The following IFRD2 variants were observed in gnomAD, a reference collection of about 807,000 sequenced individuals.
IFRD2 encodes the protein interferon-related developmental regulator 2.
IFRD2 carries 35 observed loss-of-function variants against 49.2 expected under a neutral mutation model. The ratio of observed to expected loss-of-function variants is 0.71; its 90% CI spans 0.54 to 0.94. The LOEUF (loss-of-function observed/expected upper bound fraction) is 0.94. Ranked by LOEUF, IFRD2 falls within the 40% of genes least tolerant of loss-of-function variation. IFRD2 has a pLI of 0.00. For synonymous variants in IFRD2, 275 were observed against 239.7 expected (o/e 1.15, Z -1.36); for missense variants, 561 against 591.6 (o/e 0.95, Z 0.54).
intron 5 of IFRD2, 52 bp downstream of exon 5, chr3:50,289,877 C>T (rs1202489384): frequency 6.2e-7 from 1 of 1,607,468 alleles, no homozygotes; most frequent in Non-Finnish European, 8.5e-7. Context: ...ACCCACCACT[C>T]TGCTGAGGGA....
At chr3:50,291,940 G>C (rs1332413527) in intron 1 of IFRD2, 5 of 469,878 alleles carry the variant, frequency 1.1e-5, no homozygotes, top group Non-Finnish European at 1.9e-5. Context: ...TGTCCGGTGA[G>C]TTTGTCCACC....
rs369627326 is a variant in IFRD2 at position 50,288,631 on chromosome 3, G to T, written c.1104C>A (p.Tyr368Ter). 2.7e-5 allele frequency: 43 copies of T among 1,613,774 alleles called. No individual in the cohort carries two copies. Among genetic ancestry groups the T allele is most frequent in the Non-Finnish European group, 3.2e-5 (38 of 1,179,892 alleles). ...YMDSWARHRI[Y>*]AAFKEVLGSG... ...AACCCAGCACTTCCTTGAAGGCAGC[G>T]TAGATCCGGTGCCGAGCCCAGCTGT... The change falls in exon 10 of 12, where the codon TAC (tyrosine) becomes TAA (stop). Residue 368 changes from tyrosine (Y) to a stop codon, truncating the protein, a stop_gained. Coordinates refer to ENST00000417626, the MANE Select transcript of IFRD2 (RefSeq NM_006764.5). LOFTEE classifies it high-confidence loss of function.
intron 1 of IFRD2, among the ~76,000 whole-genome samples, chr3:50,291,011 T>C (rs868949474): frequency 3.6e-4 from 52 of 143,108 alleles, no homozygotes; most frequent in East Asian, 1.1e-3. Context: ...CGCCACCTTT[T>C]TTTTTTTTTT....
At chr3:50,288,745 G>A in intron 9 of IFRD2, 34 bp from the exon 10 acceptor site, 2 of 1,612,228 alleles carry the variant, frequency 1.2e-6, no homozygotes, top group Non-Finnish European at 1.7e-6. Context: ...AACTGGGCTT[G>A]GCTGCTATGC....
chr3:50,289,460 G>A lies in IFRD2; in HGVS notation c.766C>T (p.His256Tyr). The A allele has an allele frequency of 6.3e-7, 1 of 1,579,810 alleles. No homozygotes were observed. ...LTICPSTQIS[H>Y]ILDRQLPRLP... ...AGCCACCCCTACCTGTCAAGGATGTGGCTGATTTGGGTGCTAGGGCAGATG... is the reference window on the plus strand; with the variant it reads ...AGCCACCCCTACCTGTCAAGGATGTAGCTGATTTGGGTGCTAGGGCAGATG... Residue 256 changes from histidine to tyrosine, a missense_variant, in exon 7 of 12, where the codon CAC becomes TAC. Coordinates refer to ENST00000417626, the MANE Select transcript of IFRD2 (RefSeq NM_006764.5).
Position 50,289,369 on chromosome 3 carries a change from G to T in IFRD2, c.780-9C>A. The stretch of plus-strand genomic sequence containing the variant: ...GCAGCCGGGGCAGCTGCCTAGGGAA[G>T]GGGCAGGCTGAGCTATATGTGTGGC... On this transcript the variant is annotated splice_polypyrimidine_tract_variant and intron_variant, in intron 7 of 11. Transcript: ENST00000417626. The T allele has an allele frequency of 6.3e-7, 1 of 1,589,416 alleles. No homozygotes were observed. The highest frequency in any genetic ancestry group is 8.6e-7 in the Non-Finnish European group (1 of 1,167,988).
In IFRD2 at chr3:50,288,152, C is replaced by A. The variant is rs781815893; in HGVS notation, c.*39G>T. 208 of 1,532,252 alleles carry A rather than the reference C, an allele frequency of 1.4e-4. No individual in the cohort carries two copies. The highest frequency in any genetic ancestry group is 2.0e-4 in the South Asian group (18 of 88,440). The allele number at this position is 1,532,252 out of a possible 1,614,324, so 94.9% of individuals were successfully genotyped here. On this transcript the variant is annotated 3_prime_UTR_variant, in exon 12 of 12. Coordinates refer to ENST00000417626, the MANE Select transcript of IFRD2 (RefSeq NM_006764.5). ...CACTGTCTTCTGTTAAAAATACGGA[C>A]CAAGGGCATAGAAAGTCTCCTCTTC...
Position 50,290,242 on chromosome 3 carries a change from G to C in IFRD2, c.316C>G (p.Arg106Gly). 6.2e-7 allele frequency: 1 copy of C among 1,613,086 alleles called. No individual in the cohort carries two copies. The highest frequency in any genetic ancestry group is 8.5e-7 in the Non-Finnish European group (1 of 1,179,592). ...TCCAGCAAGAAGTCGGGGAGTAGGC[G>C]GGACGCTAGGGCCAGGCGCAGGCTC... is the stretch of plus-strand genomic sequence containing the variant. ...LESLRLALAS[R>G]LLPDFLLERR... Residue 106 changes from arginine (R) to glycine (G), a missense_variant, in exon 4 of 12, where the codon CGC (arginine) becomes GGC (glycine). Coordinates refer to ENST00000417626, the MANE Select transcript of IFRD2 (RefSeq NM_006764.5).
rs1701587471 is a variant in IFRD2, at chr3:50,287,894, G to T, written c.*297C>A. ...GAGTGGGTCATCCTGGGGGAGCAAG[G>T]CCTGAGAAAGGAAAGGAAGGGAAAG... On this transcript the variant is annotated 3_prime_UTR_variant, in exon 12 of 12. Transcript: ENST00000417626. The T allele has an allele frequency of 2.5e-6, 1 of 399,732 alleles. No homozygotes were observed. Among genetic ancestry groups the T allele is most frequent in the East Asian group, 4.7e-5 (1 of 21,416 alleles). The allele number at this position is 399,732 out of a possible 1,614,324, so 24.8% of individuals were successfully genotyped here.
Position 50,289,436 on chromosome 3 carries a change from G to A in IFRD2, c.779+11C>T. On this transcript the variant is annotated intron_variant, in intron 7 of 11. Transcript: ENST00000417626. ...GATCCCCTCCCCCTCCCAGTGGACA[G>A]CCACCCCTACCTGTCAAGGATGTGG... 1.9e-6 allele frequency: 3 copies of A among 1,570,490 alleles called. No individual in the cohort carries two copies. Among genetic ancestry groups the A allele is most frequent in the Non-Finnish European group, 2.6e-6 (3 of 1,157,926 alleles).
At position 50,288,891 on chromosome 3, in the gene IFRD2, C is replaced by T. The variant is rs1199873966; in HGVS notation, c.932G>A (p.Arg311His). ...CTTGTTACTGTCAGTGGCCAGAGTG[C>T]GCAGGACACTGCAGAGGGCCTCCAT... ...EDMEALCSVL[R>H]TLATDSNKYR... is the part of the protein sequence containing the mutation. Residue 311 changes from arginine (R) to histidine (H), a missense_variant, in exon 9 of 12, where the codon CGC becomes CAC. Coordinates refer to ENST00000417626, the MANE Select transcript of IFRD2 (RefSeq NM_006764.5). 30 of 1,613,328 alleles carry T rather than the reference C, an allele frequency of 1.9e-5. No homozygotes were observed. The highest frequency in any genetic ancestry group is 2.5e-5 in the Non-Finnish European group (29 of 1,179,592).
Position 50,289,320 on chromosome 3 carries a change from C to T in IFRD2, c.820G>A (p.Val274Met), listed in dbSNP as rs1553709208. ...TCACCGGCAGCGATCCGCAGGTTCA[C>T]ACTTTCACTGGACAAGAGCTGGGGC... ...RLPQLLSSES[V>M]NLRIAAGETI... The change falls in exon 8 of 12, where the codon GTG becomes ATG. Residue 274 changes from valine to methionine, a missense_variant. Coordinates refer to ENST00000417626, the MANE Select transcript of IFRD2 (RefSeq NM_006764.5). The T allele has an allele frequency of 6.2e-7, 1 of 1,601,492 alleles. No homozygotes were observed. Among genetic ancestry groups the T allele is most frequent in the Admixed American group, 1.7e-5 (1 of 58,150 alleles).
At chr3:50,292,141 G>A (rs1701688959) in intron 1 of IFRD2, 76 bp downstream of exon 1, 1 of 1,394,798 alleles carries the variant, frequency 7.2e-7, no homozygotes, top group Non-Finnish European at 9.4e-7. Flanking sequence ...CAGGGCCCTC[G>A]AGAACAACCA....
chr3:50,289,071 C>T (rs1184155997), intron 8 of IFRD2, 134 bp from the exon 9 acceptor site: 2 of 1,327,138 alleles, frequency 1.5e-6, no homozygotes, highest in Non-Finnish European at 2.1e-6. Flanking sequence ...CCTCCTTGGC[C>T]TCTGTCAGGC....
Position 50,288,831 on chromosome 3 carries a change from G to C in IFRD2, c.992C>G (p.Ser331Cys), listed in dbSNP as rs1553709098. 6.2e-7 allele frequency: 1 copy of C among 1,613,476 alleles called. No individual in the cohort carries two copies. Among genetic ancestry groups the C allele is most frequent in the Non-Finnish European group, 8.5e-7 (1 of 1,179,628 alleles). ...GGAGTGCAGCACGGCGCGGAAAGTA[G>C]AGCGCTGGCGCCGACGATCAGCCTT... The part of the protein sequence containing the change: ...RAKADRRRQR[S>C]TFRAVLHSVE... The change falls in exon 9 of 12, where the codon TCT becomes TGT. Residue 331 changes from serine (S) to cysteine (C), a missense_variant. By Grantham distance (112) the Ser-to-Cys change is moderately radical. Transcript: ENST00000417626.
In IFRD2 at chr3:50,290,749, A is replaced by G. The variant is rs782011604; in HGVS notation, c.59-70T>C. The G allele has an allele frequency of 2.2e-4, 351 of 1,561,796 alleles. 3 individuals carry two copies. Among genetic ancestry groups the G allele is most frequent in the Non-Finnish European group, 2.7e-4 (314 of 1,147,820 alleles). The stretch of plus-strand genomic sequence containing the variant: ...GGGATGGCTGGGGGTACCTCACTCG[A>G]CCTCATAATCCCAAAAGATAGAATG... On this transcript the variant is annotated intron_variant, in intron 1 of 11. Coordinates refer to ENST00000417626, the MANE Select transcript of IFRD2 (RefSeq NM_006764.5).
Position 50,290,473 on chromosome 3 carries a change from C to A in IFRD2, c.179-1G>T, listed in dbSNP as rs200049097. The A allele has an allele frequency of 1.3e-6, 2 of 1,579,504 alleles. No homozygotes were observed. The highest frequency in any genetic ancestry group is 2.3e-5 in the East Asian group (1 of 43,170). On this transcript the variant is annotated splice_acceptor_variant, in intron 2 of 11. Transcript: ENST00000417626. LOFTEE classifies it high-confidence loss of function. ...CCCTGCTCATCCACGACATCCCCCCCTGCAAGGCCACCTGGTCAGCACCGC... is the reference window on the plus strand; with the variant it reads ...CCCTGCTCATCCACGACATCCCCCCATGCAAGGCCACCTGGTCAGCACCGC...
Position 50,288,164 on chromosome 3 carries a change from A to G in IFRD2, c.*27T>C, listed in dbSNP as rs1411024281. 2 of 1,587,034 alleles carry G rather than the reference A, an allele frequency of 1.3e-6. No homozygotes were observed. Among genetic ancestry groups the G allele is most frequent in the African/African-American group, 1.3e-5 (1 of 74,328 alleles). On this transcript the variant is annotated 3_prime_UTR_variant, in exon 12 of 12. Transcript: ENST00000417626. ...TTAAAAATACGGACCAAGGGCATAG[A>G]AAGTCTCCTCTTCAGCAGGTCCTGC... is the stretch of plus-strand genomic sequence containing the variant.
At position 50,292,345 on chromosome 3, in the gene IFRD2, C is replaced by G; in HGVS notation, c.-71G>C. ...TGTGGGCTCCAGGCCAACGAGACGC[C>G]GGCCGGTGCGCTGCGCTGAGACTTG... On this transcript the variant is annotated 5_prime_UTR_variant, in exon 1 of 12. Transcript: ENST00000417626. The G allele has an allele frequency of 6.4e-7, 1 of 1,565,826 alleles. No individual in the cohort carries two copies. The highest frequency in any genetic ancestry group is 8.6e-7 in the Non-Finnish European group (1 of 1,159,362).
Sources: allele counts gnomAD v4.1 joint callset (sites outside exome capture counted in the v4.1 genomes callset), GRCh38; gene constraint gnomAD v4.1.1; transcripts MANE v1.5; gene names NCBI Gene and HGNC (gene_info 2026-07-23, HGNC 2026-07-21).